Variants in GAPVD1 observed in about 807,000 individuals in gnomAD.
GAPVD1 encodes the protein GTPase activating protein and VPS9 domains 1.
In GAPVD1, 35 loss-of-function variants were observed where a neutral mutation model predicts 155.5. The observed-to-expected ratio is 0.23, with a 90% confidence interval of 0.17 to 0.30. The LOEUF is 0.30. Ranked by LOEUF, GAPVD1 falls within the 10% of genes least tolerant of loss-of-function variation. The pLI is 1.00. For missense variants in GAPVD1, 1,429 were observed against 1,775.7 expected (o/e 0.80, Z 3.51); for synonymous variants, 636 against 619.7 (o/e 1.03, Z -0.39).
At chr9:125,295,923 G>A (rs1180788428) in intron 3 of GAPVD1, among the ~76,000 whole-genome samples, 3 of 152,104 alleles carry the variant, frequency 2.0e-5, no homozygotes, top group African/African-American at 7.2e-5. Flanking sequence ...GCGAAACTCA[G>A]TCATATATTT....
intron 17 of GAPVD1, among the ~76,000 whole-genome samples, chr9:125,339,567 G>A (rs192169631): frequency 1.3e-5 from 2 of 152,306 alleles, no homozygotes; most frequent in Admixed American, 1.3e-4. Flanking sequence ...ATTTGCTGTA[G>A]GAGTGTTGCT....
At position 125,362,595 on chromosome 9, in the gene GAPVD1, CA is replaced by C; in HGVS notation, c.4243-10del. On this transcript the variant is annotated splice_polypyrimidine_tract_variant and intron_variant, in intron 27 of 27. Coordinates refer to ENST00000297933, the MANE Select transcript of GAPVD1 (RefSeq NM_001282680.3). ...GAGTAATTGATTCTTTTTTATTTTT[CA>C]CTTCTCTAGGCAAATCCACCCTGTT... 1 of 1,573,180 alleles carries C rather than the reference CA, an allele frequency of 6.4e-7. No homozygotes were observed. The highest frequency in any genetic ancestry group is 8.6e-7 in the Non-Finnish European group (1 of 1,161,568).
intron 9 of GAPVD1, among the ~76,000 whole-genome samples, chr9:125,319,903 A>C (rs13298608): frequency 0.05 from 7,623 of 152,152 alleles, 281 homozygotes; most frequent in Non-Finnish European, 0.071. Flanking sequence ...CAGCCAAAAA[A>C]CCTGTATTTA....
chr9:125,350,114 C>A (rs536916944), intron 21 of GAPVD1, among the ~76,000 whole-genome samples, 181 bp from the exon 22 acceptor site: 1 of 152,334 alleles, frequency 6.6e-6, no homozygotes, highest in Admixed American at 6.5e-5. Context: ...CCCGAGCACA[C>A]CTGGCTCCTT....
intron 6 of GAPVD1, 70 bp from the exon 7 acceptor site, chr9:125,307,343 A>C (rs1842014047): frequency 3.7e-6 from 4 of 1,083,152 alleles, no homozygotes; most frequent in Admixed American, 2.6e-5. Flanking sequence ...ATGCTTGTCC[A>C]CCTTAATGAG....
chr9:125,273,303 TCTG>T (rs1835204945), intron 2 of GAPVD1, among the ~76,000 whole-genome samples: 1 of 152,188 alleles, frequency 6.6e-6, no homozygotes, highest in African/African-American at 2.4e-5. Flanking sequence ...CCATTGCAGT[TCTG>T]CTTATTAGTG....
chr9:125,336,021 T>C (rs987397977), intron 15 of GAPVD1, among the ~76,000 whole-genome samples: 12 of 151,674 alleles, frequency 7.9e-5, no homozygotes, highest in Non-Finnish European at 1.3e-4. Context: ...CTGGGTGTGG[T>C]GTGCTCACAG....
At chr9:125,277,558 T>TC (rs1420697661) in intron 2 of GAPVD1, among the ~76,000 whole-genome samples, 1 of 152,164 alleles carries the variant, frequency 6.6e-6, no homozygotes, top group Non-Finnish European at 1.5e-5. Context: ...TAATATGCCC[T>TC]CCATCAAGAT....
chr9:125,347,720 CAA>C (rs11301990), intron 20 of GAPVD1, among the ~76,000 whole-genome samples: 139 of 141,924 alleles, frequency 9.8e-4, no homozygotes, highest in African/African-American at 3.0e-3. Context: ...GACCCTGTCT[CAA>C]AAAAAAAAAA....
rs189026355 is a variant in GAPVD1 at position 125,321,455 on chromosome 9, A to G, written c.1625A>G (p.Asp542Gly). 38 of 1,612,634 alleles carry G rather than the reference A, an allele frequency of 2.4e-5. No homozygotes were observed. In the Admixed American group the frequency reaches 5.7e-4, roughly 24 times the overall value. ...TAGGTCCTAAACATGCAGCTTTCGG[A>G]TGGAGGACAAGGAGATGTCCCTGTT... The part of the protein sequence containing the change: ...ENEVLNMQLS[D>G]GGQGDVPVDE... The change falls in exon 10 of 28, where the codon GAT becomes GGT. Residue 542 changes from aspartate (D) to glycine (G), a missense_variant. Around this residue, in one of 4 missense-constraint regions of GAPVD1, gnomAD observed 628 missense variants for 733.4 expected, o/e 0.86. Transcript: ENST00000297933.
In GAPVD1 at chr9:125,364,251, A is replaced by G; in HGVS notation, c.*1505A>G. On this transcript the variant is annotated 3_prime_UTR_variant, in exon 28 of 28. Coordinates refer to ENST00000297933, the MANE Select transcript of GAPVD1 (RefSeq NM_001282680.3). ...TTTTTCTTTGTTTTTATTTTATTTT[A>G]TTTTATTTTTTTGAGACAGAGTCTC... is the stretch of plus-strand genomic sequence containing the variant. 6.7e-6 allele frequency: 1 copy of G among 149,998 alleles called. No homozygotes were observed. The highest frequency in any genetic ancestry group is 1.9e-4 in the East Asian group (1 of 5,134). The allele number at this position is 149,998 out of a possible 1,614,324, so 9.3% of individuals were successfully genotyped here.
chr9:125,330,283 C>A, intron 13 of GAPVD1, 65 bp downstream of exon 13: 1 of 1,084,690 alleles, frequency 9.2e-7, no homozygotes, highest in African/African-American at 1.6e-5. Flanking sequence ...GCAAGGTATC[C>A]CAACTCTGTA....
intron 4 of GAPVD1, among the ~76,000 whole-genome samples, chr9:125,300,077 ATATATATATATATATATGTATT>A (rs1840614847): frequency 2.0e-5 from 2 of 100,550 alleles, no homozygotes; most frequent in African/African-American, 7.5e-5. Flanking sequence ...ATATATATAT[ATATATATATATATATATGTATT>A]TCCATGTTTT....
intron 25 of GAPVD1, among the ~76,000 whole-genome samples, chr9:125,358,069 A>G (rs541531243): frequency 6.6e-6 from 1 of 151,942 alleles, no homozygotes; most frequent in East Asian, 1.9e-4. Flanking sequence ...TTGGGTAAAG[A>G]GACTAGGGAA....
chr9:125,352,023 C>T (rs1419355204), intron 23 of GAPVD1, among the ~76,000 whole-genome samples: 1 of 152,098 alleles, frequency 6.6e-6, no homozygotes, highest in Non-Finnish European at 1.5e-5. Flanking sequence ...TTACAGGTGT[C>T]AGCCACCACA....
chr9:125,351,588 G>A (rs572166026), intron 23 of GAPVD1, among the ~76,000 whole-genome samples: 1 of 152,296 alleles, frequency 6.6e-6, no homozygotes, highest in East Asian at 1.9e-4. Flanking sequence ...TTCCAAATGA[G>A]AAAAATTGGC....
intron 27 of GAPVD1, among the ~76,000 whole-genome samples, chr9:125,361,274 T>C (rs1220960995): frequency 6.6e-6 from 1 of 151,882 alleles, no homozygotes; most frequent in Admixed American, 6.6e-5. Context: ...GCGCGGTGGC[T>C]CACGCTTGTA....
chr9:125,359,546 A>G lies in GAPVD1; in HGVS notation c.4044+54A>G. 3.5e-6 allele frequency: 3 copies of G among 862,172 alleles called. No homozygotes were observed. In the South Asian group the frequency reaches 4.0e-5, roughly 12 times the overall value. The allele number at this position is 862,172 out of a possible 1,614,324, so 53.4% of individuals were successfully genotyped here. ...TGTTAACTAAATGCTGCGTGTTATTATACCATATAATGTTACCACGTGTTC... is the reference window on the plus strand; with the variant it reads ...TGTTAACTAAATGCTGCGTGTTATTGTACCATATAATGTTACCACGTGTTC... On this transcript the variant is annotated intron_variant, in intron 26 of 27. Transcript: ENST00000297933.
At position 125,363,027 on chromosome 9, in the gene GAPVD1, AAAAAC is replaced by A. The variant is rs1294509430; in HGVS notation, c.*291_*295del. ...CATTTTTCAAGTATTTCTAAGTATA[AAAAAC>A]AAAACAAAAATCTCTTAGGAAATGT... is the stretch of plus-strand genomic sequence containing the variant. On this transcript the variant is annotated 3_prime_UTR_variant, in exon 28 of 28. Transcript: ENST00000297933. 1 of 186,726 alleles carries A rather than the reference AAAAAC, an allele frequency of 5.4e-6. No homozygotes were observed. The highest frequency in any genetic ancestry group is 1.1e-5 in the Non-Finnish European group (1 of 90,694). The allele number at this position is 186,726 out of a possible 1,614,324, so 11.6% of individuals were successfully genotyped here.
Sources: gnomAD v4.1 joint callset for allele counts (sites outside exome capture counted in the v4.1 genomes callset) on GRCh38, gnomAD v4.1.1 for gene constraint, gnomAD v4.1.1 regional missense constraint, MANE v1.5 for transcripts, NCBI Gene and HGNC (gene_info 2026-07-23, HGNC 2026-07-21) for gene names.